HS6ST2: variants seen among roughly 807,000 people sequenced by gnomAD.
The protein encoded by HS6ST2 is heparan sulfate 6-O-sulfotransferase 2.
HS6ST2 carries 17 observed loss-of-function variants against 33.0 expected under a neutral mutation model. The observed-to-expected ratio is 0.52, with a 90% CI of 0.35 to 0.77. The LOEUF (loss-of-function observed/expected upper bound fraction) is 0.77. Ranked by LOEUF, HS6ST2 falls within the 30% of genes least tolerant of loss-of-function variation. HS6ST2 has a pLI of 0.01. For synonymous variants in HS6ST2, 248 were observed against 237.1 expected, an observed-to-expected ratio of 1.05 and a Z score of -0.42; for missense variants, 519 against 551.7, an observed-to-expected ratio of 0.94 and a Z score of 0.59.
At chrX:132,907,715 G>A (rs990009413) in intron 2 of HS6ST2, 3 of 111,744 alleles carry the variant, frequency 2.7e-5, no homozygotes, top group Non-Finnish European at 5.6e-5. Context: ...TCAAGTCGAC[G>A]TCCACATGCA....
chrX:132,931,192 T>A (rs907117281), intron 2 of HS6ST2, among the ~76,000 whole-genome samples: 4 of 111,643 alleles, frequency 3.6e-5, no homozygotes, highest in African/African-American at 1.3e-4. Flanking sequence ...CTCCCTCCCC[T>A]TCACACAGCA....
At chrX:132,865,847 T>C (rs1443561853) in intron 2 of HS6ST2, among the ~76,000 whole-genome samples, 1 of 111,483 alleles carries the variant, frequency 9.0e-6, no homozygotes, top group East Asian at 2.8e-4. Context: ...TCTTGTAAAT[T>C]TGTTTGAGTT....
At chrX:132,821,403 G>A (rs2065456199) in intron 2 of HS6ST2, among the ~76,000 whole-genome samples, 1 of 108,951 alleles carries the variant, frequency 9.2e-6, no homozygotes, top group Admixed American at 9.8e-5. Context: ...TAGTAGAGAC[G>A]GGGTTTCACC....
At chrX:132,790,065 T>C (rs776694783) in intron 2 of HS6ST2, among the ~76,000 whole-genome samples, 28 of 112,602 alleles carry the variant, frequency 2.5e-4, no homozygotes, top group Admixed American at 1.0e-3. Context: ...TGGACTCCAA[T>C]TTTGAAAGAA....
chrX:132,888,375 C>G (rs2066273707), intron 2 of HS6ST2, among the ~76,000 whole-genome samples: 1 of 111,632 alleles, frequency 9.0e-6, no homozygotes, highest in African/African-American at 3.3e-5. Context: ...CATCAGATCT[C>G]ATGAGACTTA....
At chrX:132,750,149 A>G (rs2148296750) in intron 2 of HS6ST2, among the ~76,000 whole-genome samples, 1 of 110,382 alleles carries the variant, frequency 9.1e-6, no homozygotes, top group Non-Finnish European at 1.9e-5. Context: ...TCCCACCACA[A>G]TCTGTGGGGC....
intron 2 of HS6ST2, among the ~76,000 whole-genome samples, chrX:132,727,046 T>C (rs1370101235): frequency 1.8e-5 from 2 of 111,032 alleles, no homozygotes; most frequent in Non-Finnish European, 3.8e-5. Flanking sequence ...GTGTTTTTAG[T>C]GAATAGTAAT....
intron 2 of HS6ST2, among the ~76,000 whole-genome samples, chrX:132,946,223 A>C (rs1451053470): frequency 8.9e-6 from 1 of 111,878 alleles, no homozygotes; most frequent in Admixed American, 9.4e-5. Context: ...GTGATTCCTC[A>C]AGGATCTAGA....
At chrX:132,799,662 G>A (rs2065217034) in intron 2 of HS6ST2, among the ~76,000 whole-genome samples, 1 of 111,362 alleles carries the variant, frequency 9.0e-6, no homozygotes, top group Admixed American at 9.6e-5. Flanking sequence ...GATTACAGGT[G>A]TGAGCTGCTG....
At chrX:132,945,612 C>A (rs1341039380) in intron 2 of HS6ST2, among the ~76,000 whole-genome samples, 1 of 110,168 alleles carries the variant, frequency 9.1e-6, no homozygotes. Flanking sequence ...ACCCAAATGT[C>A]CAATGATGAC....
At chrX:132,956,067 C>G (rs1447896492) in intron 2 of HS6ST2, among the ~76,000 whole-genome samples, 2 of 112,109 alleles carry the variant, frequency 1.8e-5, no homozygotes, top group African/African-American at 6.5e-5. Context: ...CTCATGCAGC[C>G]AGTAGTGATA....
chrX:132,773,042 T>C (rs1286626449), intron 2 of HS6ST2, among the ~76,000 whole-genome samples: 3 of 93,637 alleles, frequency 3.2e-5, no homozygotes, highest in Non-Finnish European at 6.1e-5. Context: ...TATATGTTTA[T>C]ATATTATAAT....
At chrX:132,860,777 C>CTTTTTTTTTTTTTTTT (rs58059164) in intron 2 of HS6ST2, among the ~76,000 whole-genome samples, 1 of 52,896 alleles carries the variant, frequency 1.9e-5, no homozygotes, top group Non-Finnish European at 3.2e-5. Flanking sequence ...GCATGTGTAT[C>CTTTTTTTTTTTTTTTT]TTTTTTTTTT....
At position 132,718,361 on chromosome X, in the gene HS6ST2, G is replaced by C. The variant is rs768922073; in HGVS notation, c.948-9867C>G. 3.6e-5 allele frequency among the ~76,000 whole-genome samples: 4 copies of C among 111,736 alleles called. No homozygotes were observed. The South Asian group carries it at 1.5e-3, about 43-fold the overall frequency. ...GGCGGCATTCTTCTCACTTTACAGGGAAGTCAGAGAGGCTCAAAGAGAAAT... is the reference window on the plus strand; with the variant it reads ...GGCGGCATTCTTCTCACTTTACAGGCAAGTCAGAGAGGCTCAAAGAGAAAT... On this transcript the variant is annotated intron_variant, in intron 2 of 4. Coordinates refer to ENST00000370833, the MANE Select transcript of HS6ST2 (RefSeq NM_001394073.1).
At chrX:132,708,209 G>A (rs1005997028) in intron 3 of HS6ST2, among the ~76,000 whole-genome samples, 18 of 104,419 alleles carry the variant, frequency 1.7e-4, no homozygotes, top group African/African-American at 5.3e-4. Flanking sequence ...CCTGTCTGGG[G>A]TGGTCGCCCT....
chrX:132,956,738 G>T lies in HS6ST2; in HGVS notation c.947+70C>A, dbSNP rs1411098101. 16 of 1,084,013 alleles carry T rather than the reference G, an allele frequency of 1.5e-5. No homozygotes were observed. In the East Asian group the frequency reaches 5.1e-4, roughly 35 times the overall value. The allele number at this position is 1,084,013 out of a possible 1,213,427, so 89.3% of individuals were successfully genotyped here. A position where few individuals can be genotyped will look rare whatever the true frequency, so the allele number is the denominator to read the frequency against. Reference sequence around the variant, plus strand: ...GGGTGCGCGCTAGGTCCCCGGCTTGGGCCAGCCGCGCCTCCCAGCCCTCCG... The same window carrying T: ...GGGTGCGCGCTAGGTCCCCGGCTTGTGCCAGCCGCGCCTCCCAGCCCTCCG... On this transcript the variant is annotated intron_variant, in intron 2 of 4. Coordinates refer to ENST00000370833, the MANE Select transcript of HS6ST2 (RefSeq NM_001394073.1).
chrX:132,938,256 C>A (rs1346976730), intron 2 of HS6ST2, among the ~76,000 whole-genome samples: 2 of 109,032 alleles, frequency 1.8e-5, no homozygotes, highest in African/African-American at 6.7e-5. Flanking sequence ...AATATCCATT[C>A]ATTGTTTTTT....
chrX:132,956,626 G>C (rs2067074757), intron 2 of HS6ST2, among the ~76,000 whole-genome samples, 182 bp downstream of exon 2: 1 of 112,826 alleles, frequency 8.9e-6, no homozygotes, highest in Non-Finnish European at 1.9e-5. Flanking sequence ...GGAGCGGAAA[G>C]CCTTTCTGTG....
At chrX:132,680,413 A>G (rs1199892054) in intron 3 of HS6ST2, among the ~76,000 whole-genome samples, 1 of 110,925 alleles carries the variant, frequency 9.0e-6, no homozygotes, top group Non-Finnish European at 1.9e-5. Context: ...ACCTCTAGGT[A>G]AGATGTTTAG....
Sources: allele counts gnomAD v4.1 joint callset (sites outside exome capture counted in the v4.1 genomes callset), GRCh38; gene constraint gnomAD v4.1.1; transcripts MANE v1.5; gene names NCBI Gene and HGNC (gene_info 2026-07-23, HGNC 2026-07-21).